CATSPERB: variants seen among roughly 807,000 people sequenced by gnomAD.
CATSPERB encodes the protein cation channel sperm-associated auxiliary subunit beta.
In CATSPERB, 93 loss-of-function variants were observed where a neutral mutation model predicts 128.3. That is an observed-to-expected ratio of 0.72 (90% CI 0.61 to 0.86). CATSPERB has a LOEUF of 0.86. Among genes scored for constraint, CATSPERB ranks in the 40% least tolerant of loss-of-function variants. The pLI is 0.00. For missense variants in CATSPERB, 1,153 were observed against 1,329.5 expected, an observed-to-expected ratio of 0.87 and a Z score of 2.06; for synonymous variants, 381 against 448.8, an observed-to-expected ratio of 0.85 and a Z score of 1.91.
chr14:91,615,872 A>C (rs1241798452), intron 20 of CATSPERB, among the ~76,000 whole-genome samples: 2 of 138,178 alleles, frequency 1.4e-5, no homozygotes, highest in Non-Finnish European at 3.0e-5. Flanking sequence ...TGAGGATCAT[A>C]CATACAGTTT....
At chr14:91,728,977 G>C (rs1179651757) in intron 2 of CATSPERB, among the ~76,000 whole-genome samples, 2 of 152,156 alleles carry the variant, frequency 1.3e-5, no homozygotes, top group African/African-American at 4.8e-5. Flanking sequence ...AAAACATAAA[G>C]TGGAAACTTT....
At chr14:91,668,400 T>A (rs976581947) in intron 14 of CATSPERB, among the ~76,000 whole-genome samples, 1 of 152,018 alleles carries the variant, frequency 6.6e-6, no homozygotes, top group African/African-American at 2.4e-5. Context: ...AGCTAAAGGA[T>A]TGTAAACGCA....
Position 91,641,156 on chromosome 14 carries a change from G to T in CATSPERB, c.1433-1906C>A, listed in dbSNP as rs1894491467. Reference sequence around the variant, plus strand: ...TATTAGCCCTTTGTCAGATGAGTAGGTTGTGAAAATTTTCTCCCATTTTGT... The same window carrying T: ...TATTAGCCCTTTGTCAGATGAGTAGTTTGTGAAAATTTTCTCCCATTTTGT... On this transcript the variant is annotated intron_variant, in intron 15 of 26. Coordinates refer to ENST00000256343, the MANE Select transcript of CATSPERB (RefSeq NM_024764.4). Among the ~76,000 whole-genome samples the T allele has an allele frequency of 2.7e-5, 4 of 145,458 alleles. No homozygotes were observed. In the South Asian group the frequency reaches 7.1e-4, roughly 26 times the overall value.
At chr14:91,645,582 C>T (rs1361767036) in intron 15 of CATSPERB, among the ~76,000 whole-genome samples, 9 of 128,468 alleles carry the variant, frequency 7.0e-5, no homozygotes, top group African/African-American at 2.1e-4. Context: ...TCTCCAGCTG[C>T]GTGCTGGGAG....
Position 91,694,945 on chromosome 14 carries a change from G to C in CATSPERB, c.617-1466C>G, listed in dbSNP as rs111905540. ...TAACGCATATACTTTATTTCCAAAAGAGGACATTTGTAGAACGAGTCATAT... is the reference window on the plus strand; with the variant it reads ...TAACGCATATACTTTATTTCCAAAACAGGACATTTGTAGAACGAGTCATAT... On this transcript the variant is annotated intron_variant, in intron 7 of 26. Transcript: ENST00000256343. Among the ~76,000 whole-genome samples the C allele has an allele frequency of 4.1e-3, 629 of 152,236 alleles. 8 individuals carry two copies. Among genetic ancestry groups the C allele is most frequent in the African/African-American group, 0.014 (587 of 41,544 alleles).
chr14:91,614,068 G>A (rs1255594840), intron 20 of CATSPERB, among the ~76,000 whole-genome samples: 1 of 152,110 alleles, frequency 6.6e-6, no homozygotes, highest in African/African-American at 2.4e-5. Context: ...AAACTCCCTT[G>A]CCGCACGTCT....
intron 15 of CATSPERB, among the ~76,000 whole-genome samples, chr14:91,654,935 G>A (rs2139817600): frequency 6.6e-6 from 1 of 152,118 alleles, no homozygotes; most frequent in East Asian, 1.9e-4. Flanking sequence ...TTGGTGGAAA[G>A]TAAGGTAAGA....
chr14:91,608,119 A>G (rs1335632283), intron 22 of CATSPERB, among the ~76,000 whole-genome samples, 175 bp downstream of exon 22: 1 of 152,228 alleles, frequency 6.6e-6, no homozygotes, highest in Non-Finnish European at 1.5e-5. Context: ...CCAAAACTGT[A>G]TTCAGGAATA....
In CATSPERB at chr14:91,591,923, T is replaced by G; in HGVS notation, c.2789A>C (p.His930Pro). Residue 930 changes from histidine (H) to proline (P), a missense_variant, in exon 23 of 27, where the codon CAT (histidine) becomes CCT (proline). By Grantham distance (77) the His-to-Pro change is moderately conservative (BLOSUM62 -2). Transcript: ENST00000256343. ...CCTGCAATCCGAGAAAGCAACAGCA[T>G]GTGAAAACTTCTGATCCTTTGTGCA... ...CNCTKDQKFS[H>P]AVAFSDCREK... 6.2e-7 allele frequency: 1 copy of G among 1,613,844 alleles called. No individual in the cohort carries two copies. Among genetic ancestry groups the G allele is most frequent in the Non-Finnish European group, 8.5e-7 (1 of 1,179,734 alleles).
rs144009032 is a variant in CATSPERB at position 91,593,259 on chromosome 14, C to T, written c.2710-1257G>A. Reference sequence around the variant, plus strand: ...CACAGAGTCCCTACTGGGGCACTGCCTAGTGGAGCTGTGAGAAGAGGGCCA... The same window carrying T: ...CACAGAGTCCCTACTGGGGCACTGCTTAGTGGAGCTGTGAGAAGAGGGCCA... On this transcript the variant is annotated intron_variant, in intron 22 of 26. Coordinates refer to ENST00000256343, the MANE Select transcript of CATSPERB (RefSeq NM_024764.4). Among the ~76,000 whole-genome samples the T allele has an allele frequency of 8.1e-3, 1,236 of 152,310 alleles. 20 individuals carry two copies. Among genetic ancestry groups the T allele is most frequent in the African/African-American group, 0.028 (1,165 of 41,568 alleles).
At chr14:91,591,446 T>C (rs1240726159) in intron 23 of CATSPERB, among the ~76,000 whole-genome samples, 1 of 152,024 alleles carries the variant, frequency 6.6e-6, no homozygotes, top group Non-Finnish European at 1.5e-5. Context: ...ACCAACATAT[T>C]ACACCGTCTT....
chr14:91,604,827 C>T lies in CATSPERB; in HGVS notation c.2709+3467G>A, dbSNP rs1471437054. The T allele has an allele frequency of 1.5e-4, 232 of 1,538,402 alleles. 4 individuals are homozygous for T. The South Asian group carries it at 2.5e-3, about 17-fold the overall frequency. On this transcript the variant is annotated intron_variant, in intron 22 of 26. Coordinates refer to ENST00000256343, the MANE Select transcript of CATSPERB (RefSeq NM_024764.4). Reference sequence around the variant, plus strand: ...GTAGGTGCTGAGGCCTTCTGAGTCACACCATTGCTATTCTTTGGCCAGTTG... The same window carrying T: ...GTAGGTGCTGAGGCCTTCTGAGTCATACCATTGCTATTCTTTGGCCAGTTG...
At chr14:91,731,359 T>C (rs1896206699) in intron 1 of CATSPERB, among the ~76,000 whole-genome samples, 1 of 152,228 alleles carries the variant, frequency 6.6e-6, no homozygotes, top group Non-Finnish European at 1.5e-5. Flanking sequence ...CTTTTCCTTA[T>C]TTGATACTAT....
intron 19 of CATSPERB, among the ~76,000 whole-genome samples, chr14:91,618,261 C>A (rs1893982048): frequency 6.6e-6 from 1 of 152,038 alleles, no homozygotes; most frequent in South Asian, 2.1e-4. Context: ...TGCCCAGCTT[C>A]TTTACTGCAA....
chr14:91,665,231 G>T (rs1013575734), intron 14 of CATSPERB, among the ~76,000 whole-genome samples: 1 of 146,046 alleles, frequency 6.8e-6, no homozygotes, highest in African/African-American at 2.5e-5. Flanking sequence ...CAAAATTTTT[G>T]ATCTACACAC....
rs150002994 is a variant in CATSPERB, at chr14:91,676,809, C to T, written c.932-2587G>A. On this transcript the variant is annotated intron_variant, in intron 11 of 26. Coordinates refer to ENST00000256343, the MANE Select transcript of CATSPERB (RefSeq NM_024764.4). ...AACAAAGCTGGAAGCATCATGCTACCTGACTTCGAACTATACTACAAGTCT... is the reference window on the plus strand; with the variant it reads ...AACAAAGCTGGAAGCATCATGCTACTTGACTTCGAACTATACTACAAGTCT... Among the ~76,000 whole-genome samples, 1,255 of 152,318 alleles carry T rather than the reference C, an allele frequency of 8.2e-3. 12 individuals carry two copies. The highest frequency in any genetic ancestry group is 0.027 in the African/African-American group (1,143 of 41,572).
Position 91,683,872 on chromosome 14 carries a change from T to C in CATSPERB, c.931+5A>G. On this transcript the variant is annotated splice_donor_5th_base_variant and intron_variant, in intron 11 of 26. Transcript: ENST00000256343. ...TAATACAGTATATCTTTAACCAAAA[T>C]TTACCTTCAAAGTGCTCTCTGTTAG... The C allele has an allele frequency of 6.3e-7, 1 of 1,593,498 alleles. No individual in the cohort carries two copies. The highest frequency in any genetic ancestry group is 8.6e-7 in the Non-Finnish European group (1 of 1,169,018).
intron 21 of CATSPERB, among the ~76,000 whole-genome samples, chr14:91,610,180 G>A (rs1893798349): frequency 6.6e-6 from 1 of 152,058 alleles, no homozygotes; most frequent in Non-Finnish European, 1.5e-5. Flanking sequence ...TATCAGCTTA[G>A]GACAAGTCAA....
intron 14 of CATSPERB, among the ~76,000 whole-genome samples, chr14:91,660,650 GT>G (rs34476752): frequency 0.19 from 29,468 of 152,082 alleles, 3,052 homozygotes; most frequent in African/African-American, 0.25. Context: ...GATTTCTGTT[GT>G]TTGGATTTTT....
Sources: gnomAD v4.1 joint callset for allele counts (sites outside exome capture counted in the v4.1 genomes callset) on GRCh38, gnomAD v4.1.1 for gene constraint, MANE v1.5 for transcripts, NCBI Gene and HGNC (gene_info 2026-07-23, HGNC 2026-07-21) for gene names.